Variants in DNAH7 observed in about 807,000 individuals in gnomAD.
DNAH7 encodes the protein axonemal beta dynein heavy chain 7.
Under a neutral mutation model 444.6 loss-of-function variants are expected in DNAH7, and 397 were observed. The ratio of observed to expected loss-of-function variants is 0.89; its 90% CI spans 0.82 to 0.97. The LOEUF (loss-of-function observed/expected upper bound fraction) is 0.97. Among genes scored for constraint, DNAH7 ranks in the 50% least tolerant of loss-of-function variants. DNAH7 has a pLI of 0.00. For missense variants in DNAH7, 4,902 were observed against 4,800.8 expected, an observed-to-expected ratio of 1.02 and a Z score of -0.62; for synonymous variants, 1,636 against 1,624.4, an observed-to-expected ratio of 1.01 and a Z score of -0.17.
intron 12 of DNAH7, among the ~76,000 whole-genome samples, chr2:195,990,736 T>C (rs1160528501): frequency 6.6e-6 from 1 of 150,800 alleles, no homozygotes; most frequent in African/African-American, 2.4e-5. Flanking sequence ...GTGTTTGTTT[T>C]TATGCCAGTA....
intron 58 of DNAH7, among the ~76,000 whole-genome samples, chr2:195,785,524 G>GT (rs1269053008): frequency 6.9e-6 from 1 of 144,978 alleles, no homozygotes; most frequent in Non-Finnish European, 1.5e-5. Context: ...TTAGCTGTAG[G>GT]TTTTTTGTAT....
intron 12 of DNAH7, among the ~76,000 whole-genome samples, chr2:195,992,110 T>G (rs1693378590): frequency 6.6e-6 from 1 of 152,162 alleles, no homozygotes. Flanking sequence ...CTGGCAAAGA[T>G]AATTACACAA....
At chr2:195,785,586 GC>G (rs1196887768) in intron 58 of DNAH7, among the ~76,000 whole-genome samples, 1 of 124,324 alleles carries the variant, frequency 8.0e-6, no homozygotes, top group Non-Finnish European at 1.7e-5. Context: ...TTTACTGAGA[GC>G]TTTTTTTTTT....
intron 46 of DNAH7, 80 bp downstream of exon 46, chr2:195,853,263 C>A: frequency 6.7e-6 from 9 of 1,341,148 alleles, no homozygotes; most frequent in Non-Finnish European, 8.9e-6. Context: ...AAACTGAAAC[C>A]AAAGTAAAAC....
chr2:195,758,188 A>C (rs965491116), intron 61 of DNAH7, among the ~76,000 whole-genome samples: 5 of 152,244 alleles, frequency 3.3e-5, no homozygotes, highest in Admixed American at 3.3e-4. Flanking sequence ...ACTACATTGA[A>C]GACCACAGTC....
At chr2:195,987,906 G>T in intron 13 of DNAH7, 51 bp downstream of exon 13, 1 of 1,489,660 alleles carries the variant, frequency 6.7e-7, no homozygotes, top group Non-Finnish European at 9.0e-7. Context: ...ATAAAACTGG[G>T]GAAAAGATAC....
chr2:196,005,094 C>T (rs1328567756), intron 10 of DNAH7, among the ~76,000 whole-genome samples: 1 of 151,176 alleles, frequency 6.6e-6, no homozygotes, highest in Non-Finnish European at 1.5e-5. Flanking sequence ...CACCGTGAAA[C>T]CCCGTTTCTA....
intron 48 of DNAH7, chr2:195,825,161 G>A (rs1697671846): frequency 6.6e-6 from 1 of 152,224 alleles, no homozygotes; most frequent in Admixed American, 6.6e-5. Flanking sequence ...GGGAGGCTGA[G>A]CTGGGAGGAT....
chr2:195,929,229 A>G (rs1688534494), intron 21 of DNAH7, among the ~76,000 whole-genome samples: 1 of 152,182 alleles, frequency 6.6e-6, no homozygotes, highest in Non-Finnish European at 1.5e-5. Flanking sequence ...CACAGATGAC[A>G]CAAACAAATA....
chr2:195,994,994 A>G, intron 12 of DNAH7: 1 of 259,918 alleles, frequency 3.8e-6, no homozygotes, highest in South Asian at 4.6e-5. Flanking sequence ...CAGTGGCGCA[A>G]TCTCGGCTCA....
intron 5 of DNAH7, among the ~76,000 whole-genome samples, chr2:196,042,663 C>T (rs1013549213): frequency 6.6e-6 from 1 of 152,060 alleles, no homozygotes; most frequent in Non-Finnish European, 1.5e-5. Flanking sequence ...AACACATCTA[C>T]TAGAATGGCT....
rs1160016720 is a variant in DNAH7, at chr2:196,051,211, T to G, written c.117A>C (p.Ala39=). ...CCATAGACAGCTGTGGTAAAGCTCT[T>G]GCTGGTGCCTTGAACTTTTCTTTGC... The part of the protein sequence containing the change: ...LASKEKFKAP[A]RALPQLSMVS... The change falls in exon 3 of 65, where the codon GCA becomes GCC. Residue 39 remains alanine (A), a synonymous_variant. Coordinates refer to ENST00000312428, the MANE Select transcript of DNAH7 (RefSeq NM_018897.3). 4 of 1,613,900 alleles carry G rather than the reference T, an allele frequency of 2.5e-6. No homozygotes were observed. The highest frequency in any genetic ancestry group is 3.4e-6 in the Non-Finnish European group (4 of 1,179,934).
intron 9 of DNAH7, among the ~76,000 whole-genome samples, chr2:196,015,458 C>T (rs1007344475): frequency 6.6e-6 from 1 of 152,098 alleles, no homozygotes; most frequent in Non-Finnish European, 1.5e-5. Flanking sequence ...CAGACATCTG[C>T]TTTTACATTC....
intron 5 of DNAH7, among the ~76,000 whole-genome samples, chr2:196,046,976 T>C (rs1697169001): frequency 6.6e-6 from 1 of 152,058 alleles, no homozygotes; most frequent in Non-Finnish European, 1.5e-5. Flanking sequence ...TGCTGACCAT[T>C]TCACCCCAAT....
chr2:195,996,015 C>T (rs539077894), intron 12 of DNAH7, among the ~76,000 whole-genome samples: 30 of 152,276 alleles, frequency 2.0e-4, no homozygotes, highest in African/African-American at 7.0e-4. Flanking sequence ...TAATTCTTCC[C>T]ATTTATGAAC....
chr2:195,960,199 C>T (rs965910146), intron 18 of DNAH7, 61 bp downstream of exon 18: 4 of 1,361,618 alleles, frequency 2.9e-6, no homozygotes, highest in Non-Finnish European at 3.0e-6. Context: ...AAGAACTTTA[C>T]ATTAAACACA....
At position 195,794,510 on chromosome 2, in the gene DNAH7, T is replaced by C. The variant is rs775579207; in HGVS notation, c.10544A>G (p.Asp3515Gly). 3 of 1,614,142 alleles carry C rather than the reference T, an allele frequency of 1.9e-6. No homozygotes were observed. The highest frequency in any genetic ancestry group is 1.6e-4 in the Middle Eastern group (1 of 6,062). The change falls in exon 57 of 65, where the codon GAT becomes GGT. Residue 3515 changes from aspartate (D) to glycine (G), a missense_variant. Physicochemically the swap from Asp to Gly is moderately conservative, Grantham distance 94. Coordinates refer to ENST00000312428, the MANE Select transcript of DNAH7 (RefSeq NM_018897.3). ...EELSPESTHP[D>G]FRMWLTSYPS... ...GTAACTCGTTAGCCACATTCGGAAA[T>C]CTGGATGTGTTGACTCTGGGCTTAA...
At chr2:195,912,997 C>T (rs1381643051) in intron 24 of DNAH7, among the ~76,000 whole-genome samples, 1 of 151,918 alleles carries the variant, frequency 6.6e-6, no homozygotes, top group Non-Finnish European at 1.5e-5. Flanking sequence ...TAAAAAATGA[C>T]ACTTATAATT....
intron 40 of DNAH7, among the ~76,000 whole-genome samples, chr2:195,866,627 A>C (rs1700357106): frequency 6.6e-6 from 1 of 152,254 alleles, no homozygotes; most frequent in Admixed American, 6.5e-5. Flanking sequence ...GACAGTCAAC[A>C]CATCTGCATT....
Sources: gnomAD v4.1 joint callset for allele counts (sites outside exome capture counted in the v4.1 genomes callset) on GRCh38, gnomAD v4.1.1 for gene constraint, MANE v1.5 for transcripts, NCBI Gene and HGNC (gene_info 2026-07-23, HGNC 2026-07-21) for gene names.